The following SLIT1 variants were observed in gnomAD, a reference collection of about 807,000 sequenced individuals.
SLIT1 encodes slit homolog 1 protein.
Under a neutral mutation model 186.1 loss-of-function variants are expected in SLIT1, and 66 were observed. The ratio of observed to expected loss-of-function variants is 0.35; its 90% CI spans 0.29 to 0.44. The LOEUF is 0.44. Ranked by LOEUF, SLIT1 falls within the 20% of genes least tolerant of loss-of-function variation. The probability of loss-of-function intolerance (pLI) is 1.00; values close to 1 mark genes in which losing one functional copy is unlikely to be tolerated. For synonymous variants in SLIT1, 761 were observed against 833.8 expected, an observed-to-expected ratio of 0.91 and a Z score of 1.50; for missense variants, 1,638 against 2,037.4, an observed-to-expected ratio of 0.80 and a Z score of 3.77.
At chr10:97,119,941 A>ATATG (rs1554852206) in intron 4 of SLIT1, among the ~76,000 whole-genome samples, 7 of 137,236 alleles carry the variant, frequency 5.1e-5, no homozygotes, top group Admixed American at 2.2e-4. Flanking sequence ...ATATATATAT[A>ATATG]TATATGTATA....
intron 1 of SLIT1, among the ~76,000 whole-genome samples, chr10:97,181,021 C>T (rs374037610): frequency 5.3e-5 from 8 of 152,324 alleles, no homozygotes; most frequent in African/African-American, 1.4e-4. Context: ...AAGCGTGGCA[C>T]GCTGCCTCAC....
At position 97,030,918 on chromosome 10, in the gene SLIT1, G is replaced by A. The variant is rs1848584812; in HGVS notation, c.2511-90C>T. The stretch of plus-strand genomic sequence containing the variant: ...GAGGCCCAGCCCTCTGCAGAGAGGG[G>A]ACAGGCCGTGCCTTCCCTCTAGGCC... On this transcript the variant is annotated intron_variant, in intron 24 of 36. Coordinates refer to ENST00000266058, the MANE Select transcript of SLIT1 (RefSeq NM_003061.3). The A allele has an allele frequency of 7.3e-6, 8 of 1,097,048 alleles. No homozygotes were observed. The South Asian group carries it at 7.8e-5, about 11-fold the overall frequency. 68.0% of individuals were successfully genotyped at this position (1,097,048 alleles called of 1,614,324 possible). A position where few individuals can be genotyped will look rare whatever the true frequency, so the allele number is the denominator to read the frequency against.
At chr10:97,115,415 T>C (rs185120716) in intron 4 of SLIT1, among the ~76,000 whole-genome samples, 137 of 152,310 alleles carry the variant, frequency 9.0e-4, no homozygotes, top group African/African-American at 3.2e-3. Flanking sequence ...TCAGCAGCTC[T>C]GGAGACCTGA....
Position 96,998,716 on chromosome 10 carries a change from C to T in SLIT1, c.*2396G>A, listed in dbSNP as rs1357641498. The stretch of plus-strand genomic sequence containing the variant: ...TCATCTCATGGTGGATTCCAATCCT[C>T]AGACTGCACTGAGGTCAGCGCTGCT... On this transcript the variant is annotated 3_prime_UTR_variant, in exon 37 of 37. Coordinates refer to ENST00000266058, the MANE Select transcript of SLIT1 (RefSeq NM_003061.3). 6.6e-6 allele frequency: 1 copy of T among 152,300 alleles called. No homozygotes were observed. Among genetic ancestry groups the T allele is most frequent in the African/African-American group, 2.4e-5 (1 of 41,464 alleles). 9.4% of individuals were successfully genotyped at this position (152,300 alleles called of 1,614,324 possible).
chr10:97,127,067 G>A lies in SLIT1; in HGVS notation c.413+30751C>T, dbSNP rs547938686. On this transcript the variant is annotated intron_variant, in intron 4 of 36. Coordinates refer to ENST00000266058, the MANE Select transcript of SLIT1 (RefSeq NM_003061.3). ...GCACTTTGGGAGGCTGAGGCGGGTGGATCACAAGGGCAGGAGATCGAGACC... is the reference window on the plus strand; with the variant it reads ...GCACTTTGGGAGGCTGAGGCGGGTGAATCACAAGGGCAGGAGATCGAGACC... Among the ~76,000 whole-genome samples the A allele has an allele frequency of 3.3e-5, 5 of 151,914 alleles. No individual in the cohort carries two copies. The South Asian group carries it at 6.2e-4, about 19-fold the overall frequency.
chr10:97,083,749 T>C (rs1159790422), intron 4 of SLIT1, among the ~76,000 whole-genome samples: 2 of 152,168 alleles, frequency 1.3e-5, no homozygotes, highest in African/African-American at 4.8e-5. Flanking sequence ...CTGTCACTCC[T>C]TCCAAACCCC....
intron 4 of SLIT1, among the ~76,000 whole-genome samples, chr10:97,075,162 C>T (rs1849034461): frequency 6.6e-6 from 1 of 152,200 alleles, no homozygotes; most frequent in Non-Finnish European, 1.5e-5. Context: ...TTACCTTGAA[C>T]CAGGGCACCC....
At position 97,004,761 on chromosome 10, in the gene SLIT1, A is replaced by T; in HGVS notation, c.3642T>A (p.Val1214=). The T allele has an allele frequency of 1.2e-6, 2 of 1,613,966 alleles. No individual in the cohort carries two copies. The highest frequency in any genetic ancestry group is 8.5e-7 in the Non-Finnish European group (1 of 1,179,858). Reference sequence around the variant, plus strand: ...CACGCACATGGCCCTGGTACAGCTCAACTGCAATGTGGTCGTTGTCCCCGT... The same window carrying T: ...CACGCACATGGCCCTGGTACAGCTCTACTGCAATGTGGTCGTTGTCCCCGT... ...LYNGDNDHIA[V]ELYQGHVRVS... Residue 1214 remains valine, a synonymous_variant, in exon 33 of 37, where the codon GTT becomes GTA. Coordinates refer to ENST00000266058, the MANE Select transcript of SLIT1 (RefSeq NM_003061.3). The surrounding 1 kb of genome is among the most constrained non-coding windows in gnomAD (Gnocchi z 5.1).
intron 4 of SLIT1, among the ~76,000 whole-genome samples, chr10:97,129,445 A>G (rs1210358256): frequency 6.6e-6 from 1 of 151,978 alleles, no homozygotes; most frequent in Non-Finnish European, 1.5e-5. Flanking sequence ...GATTAAGTTC[A>G]GTAACCCATG....
intron 4 of SLIT1, chr10:97,155,346 T>C (rs1849935735): frequency 6.6e-6 from 1 of 152,294 alleles, no homozygotes; most frequent in African/African-American, 2.4e-5. Flanking sequence ...GGCAGCCAAG[T>C]TGTCATTTTC....
At chr10:97,066,477 G>C (rs1848947680) in intron 4 of SLIT1, among the ~76,000 whole-genome samples, 1 of 152,116 alleles carries the variant, frequency 6.6e-6, no homozygotes, top group African/African-American at 2.4e-5. Flanking sequence ...GCTGGAGGTG[G>C]GGCCTGGTGG....
chr10:97,014,167 G>A lies in SLIT1; in HGVS notation c.2970-9C>T. On this transcript the variant is annotated splice_polypyrimidine_tract_variant and intron_variant, in intron 28 of 36. Transcript: ENST00000266058. ...CGGTGGGACAGGAGCACCTGTGCGG[G>A]GAAGGGGAGGATGGAGAGACAGCCC... 1.2e-6 allele frequency: 2 copies of A among 1,612,900 alleles called. No individual in the cohort carries two copies. Among genetic ancestry groups the A allele is most frequent in the Non-Finnish European group, 8.5e-7 (1 of 1,179,970 alleles).
intron 23 of SLIT1, among the ~76,000 whole-genome samples, chr10:97,033,904 A>AC (rs1224157041): frequency 1.4e-5 from 2 of 138,496 alleles, no homozygotes; most frequent in Non-Finnish European, 3.0e-5. Flanking sequence ...TCGCTCTATC[A>AC]CCCAGGCTGG....
rs542602779 is a variant in SLIT1, at chr10:97,165,856, C to A, written c.198-966G>T. ...CCTGGCCCCTCCTTCCTTCCAAGGC[C>A]ACCTTGGACCCACCTGAGGAGCTGT... On this transcript the variant is annotated intron_variant, in intron 1 of 36. Transcript: ENST00000266058. Among the ~76,000 whole-genome samples the A allele has an allele frequency of 2.0e-5, 3 of 152,226 alleles. No individual in the cohort carries two copies. The East Asian group carries it at 5.8e-4, about 29-fold the overall frequency.
chr10:97,108,040 G>T (rs1028641108), intron 4 of SLIT1, among the ~76,000 whole-genome samples: 1 of 152,168 alleles, frequency 6.6e-6, no homozygotes, highest in Non-Finnish European at 1.5e-5. Flanking sequence ...TCCCTGCCCC[G>T]GGGTGTCTGC....
intron 2 of SLIT1, 108 bp downstream of exon 2, chr10:97,164,711 G>T (rs899215014): frequency 1.5e-5 from 12 of 815,046 alleles, no homozygotes; most frequent in African/African-American, 3.3e-5. Flanking sequence ...TGACTCCGTG[G>T]TAGAGGGGCC....
At chr10:97,173,211 C>A (rs1053805844) in intron 1 of SLIT1, among the ~76,000 whole-genome samples, 2 of 152,234 alleles carry the variant, frequency 1.3e-5, no homozygotes, top group Non-Finnish European at 2.9e-5. Context: ...CTTCCTCCTG[C>A]TCAGGGCCGG....
At chr10:97,007,488 G>T (rs1011631130) in intron 31 of SLIT1, among the ~76,000 whole-genome samples, 2 of 151,980 alleles carry the variant, frequency 1.3e-5, no homozygotes, top group South Asian at 2.1e-4. Context: ...CACAACAAAA[G>T]ATATCACAAA....
intron 4 of SLIT1, chr10:97,103,753 A>T (rs1013640350): frequency 1.3e-5 from 2 of 152,202 alleles, no homozygotes; most frequent in Non-Finnish European, 2.9e-5. Context: ...TAGGACAGAG[A>T]TGTGAGTGTT....
Sources: gnomAD v4.1 joint callset for allele counts (sites outside exome capture counted in the v4.1 genomes callset) on GRCh38, gnomAD v4.1.1 for gene constraint, Gnocchi (gnomAD v3.1) non-coding constraint, MANE v1.5 for transcripts, NCBI Gene and HGNC (gene_info 2026-07-23, HGNC 2026-07-21) for gene names.